Variants in TRIM14 observed in about 807,000 individuals in gnomAD.
The protein encoded by TRIM14 is tripartite motif-containing protein 14.
TRIM14 carries 28 observed loss-of-function variants against 44.5 expected under a neutral mutation model. That is an observed-to-expected ratio of 0.63 (90% CI 0.47 to 0.86). TRIM14 has a LOEUF of 0.86. Ranked by LOEUF, TRIM14 falls within the 40% of genes least tolerant of loss-of-function variation. TRIM14 has a pLI of 0.00. For missense variants in TRIM14, 607 were observed against 611.1 expected, an observed-to-expected ratio of 0.99 and a Z score of 0.07; for synonymous variants, 299 against 269.2, an observed-to-expected ratio of 1.11 and a Z score of -1.08.
chr9:98,117,267 G>C (rs80243446), intron 1 of TRIM14, among the ~76,000 whole-genome samples: 13,550 of 151,200 alleles, frequency 0.09, 786 homozygotes, highest in Non-Finnish European at 0.13. Context: ...CTGCCATAGA[G>C]ATTCTCTGTT....
chr9:98,118,569 G>A (rs1827133907), intron 1 of TRIM14, among the ~76,000 whole-genome samples: 1 of 152,172 alleles, frequency 6.6e-6, no homozygotes, highest in Non-Finnish European at 1.5e-5. Context: ...AAGTAAACCT[G>A]AGATGTCTGT....
At chr9:98,107,793 A>G (rs1282449939) in intron 2 of TRIM14, among the ~76,000 whole-genome samples, 2 of 151,610 alleles carry the variant, frequency 1.3e-5, no homozygotes, top group African/African-American at 4.9e-5. Context: ...CAGCCTTCTG[A>G]GTAGCTTGGA....
At chr9:98,111,883 A>G (rs1308279815) in intron 1 of TRIM14, among the ~76,000 whole-genome samples, 2 of 152,196 alleles carry the variant, frequency 1.3e-5, no homozygotes, top group Non-Finnish European at 2.9e-5. Flanking sequence ...GGTTGCAGTG[A>G]GCCAAGATCA....
intron 6 of TRIM14, among the ~76,000 whole-genome samples, chr9:98,070,264 T>C (rs768384563): frequency 3.3e-5 from 5 of 151,978 alleles, no homozygotes; most frequent in East Asian, 1.9e-4. Context: ...ACTACAGGTG[T>C]ATGCCACCAT....
chr9:98,060,791 G>A, the TRIM14 span: 7 of 1,614,052 alleles, frequency 4.3e-6, no homozygotes, highest in Middle Eastern at 1.6e-4. Flanking sequence ...GGAGTGTGGG[G>A]CTGATTGTGC....
chr9:98,083,131 G>C (rs1195077406), downstream of TRIM14: 1 of 1,417,968 alleles, frequency 7.1e-7, no homozygotes, highest in East Asian at 2.4e-5. Context: ...GCGAGGGCAG[G>C]AATGGCGGTC....
chr9:98,107,493 C>T (rs1259627807), intron 2 of TRIM14, among the ~76,000 whole-genome samples: 1 of 152,176 alleles, frequency 6.6e-6, no homozygotes, highest in Non-Finnish European at 1.5e-5. Context: ...GTGGTTCTTG[C>T]AACAACTTGG....
At chr9:98,042,224 C>T in the TRIM14 span, among the ~76,000 whole-genome samples, 1 of 144,248 alleles carries the variant, frequency 6.9e-6, no homozygotes, top group Non-Finnish European at 1.5e-5. Context: ...ACCCAGGAGG[C>T]GGAGCTTGCA....
the TRIM14 span, among the ~76,000 whole-genome samples, chr9:98,059,507 G>A: frequency 5.3e-5 from 8 of 152,162 alleles, no homozygotes; most frequent in African/African-American, 1.9e-4. Context: ...CTCAACCTCT[G>A]GGGATCAAGC....
intron 2 of TRIM14, among the ~76,000 whole-genome samples, chr9:98,105,903 T>A (rs1325189414): frequency 1.3e-5 from 2 of 152,158 alleles, no homozygotes; most frequent in Non-Finnish European, 2.9e-5. Context: ...AGGAATCTAG[T>A]CATTCATCCA....
At chr9:98,104,801 T>G (rs1826542265) in intron 2 of TRIM14, among the ~76,000 whole-genome samples, 1 of 152,188 alleles carries the variant, frequency 6.6e-6, no homozygotes, top group Non-Finnish European at 1.5e-5. Flanking sequence ...GAGTGTGGGC[T>G]GCTGTGTGAA....
intron 1 of TRIM14, among the ~76,000 whole-genome samples, chr9:98,117,930 T>A (rs917393351): frequency 6.6e-6 from 1 of 152,146 alleles, no homozygotes; most frequent in African/African-American, 2.4e-5. Flanking sequence ...TACAGCCATT[T>A]CATACGTTAA....
At chr9:98,079,159 T>TCCC (rs1829733932) in intron 6 of TRIM14, among the ~76,000 whole-genome samples, 1 of 152,190 alleles carries the variant, frequency 6.6e-6, no homozygotes. Context: ...AAGCCTGAGA[T>TCCC]CCCACAGCAG....
intron 5 of TRIM14, among the ~76,000 whole-genome samples, chr9:98,088,924 T>C (rs1166651866): frequency 2.0e-5 from 3 of 152,182 alleles, no homozygotes; most frequent in Non-Finnish European, 4.4e-5. Flanking sequence ...TTTTTGTTGT[T>C]GTTGTTGTTG....
rs150836210 is a variant in TRIM14, at chr9:98,071,931, G to A, written c.*29-2244C>T. ...CAAGGCGGAGTCACTTCTTTAGGCC[G>A]TGCCCTGCAGGTGGCATCGGTTGAG... On this transcript the variant is annotated intron_variant, in intron 6 of 6. Coordinates refer to the TRIM14 transcript ENST00000375098. 7.9e-5 allele frequency among the ~76,000 whole-genome samples: 12 copies of A among 152,378 alleles called. No homozygotes were observed. In the East Asian group the frequency reaches 1.9e-3, roughly 24 times the overall value.
At chr9:98,098,512 C>T (rs932173340) in intron 3 of TRIM14, among the ~76,000 whole-genome samples, 1 of 151,874 alleles carries the variant, frequency 6.6e-6, no homozygotes, top group Admixed American at 6.6e-5. Flanking sequence ...GAGATGGAGA[C>T]CATCCTGGCT....
chr9:98,079,973 G>C (rs1005638808), downstream of TRIM14, among the ~76,000 whole-genome samples: 2 of 152,246 alleles, frequency 1.3e-5, no homozygotes, highest in Admixed American at 6.5e-5. Context: ...CAGCACTTTG[G>C]GAGGCTGAGG....
At chr9:98,098,250 G>T (rs1826254800) in intron 3 of TRIM14, among the ~76,000 whole-genome samples, 2 of 152,172 alleles carry the variant, frequency 1.3e-5, no homozygotes, top group South Asian at 4.1e-4. Flanking sequence ...CAAAGTGTTT[G>T]CCATGAAGCC....
chr9:98,071,197 G>A (rs1274003614), intron 6 of TRIM14, among the ~76,000 whole-genome samples: 1 of 152,206 alleles, frequency 6.6e-6, no homozygotes, highest in African/African-American at 2.4e-5. Context: ...GCTGTGTGGT[G>A]TGTACCTGGC....
Sources: gnomAD v4.1 joint callset for allele counts (sites outside exome capture counted in the v4.1 genomes callset) on GRCh38, gnomAD v4.1.1 for gene constraint, MANE v1.5 for transcripts, NCBI Gene and HGNC (gene_info 2026-07-23, HGNC 2026-07-21) for gene names.